MGA: variants seen among roughly 807,000 people sequenced by gnomAD.
MGA encodes the protein MAX gene-associated protein.
Under a neutral mutation model 261.1 loss-of-function variants are expected in MGA, and 40 were observed. The observed-to-expected ratio is 0.15, with a 90% CI of 0.12 to 0.20. The LOEUF (loss-of-function observed/expected upper bound fraction) is 0.20. MGA is among the 10% of genes least tolerant of loss of function. The pLI, the probability that MGA is intolerant of heterozygous loss-of-function variation, is 1.00. For synonymous variants in MGA, 1,302 were observed against 1,290.6 expected, an observed-to-expected ratio of 1.01 and a Z score of -0.19; for missense variants, 3,397 against 3,630.5, an observed-to-expected ratio of 0.94 and a Z score of 1.65.
Position 41,760,399 on chromosome 15 carries a change from A to G in MGA, c.7268A>G (p.Tyr2423Cys), listed in dbSNP as rs369818351. 4.3e-6 allele frequency: 7 copies of G among 1,613,902 alleles called. No homozygotes were observed. Among genetic ancestry groups the G allele is most frequent in the Non-Finnish European group, 5.9e-6 (7 of 1,179,894 alleles). The change falls in exon 20 of 24, where the codon TAT becomes TGT. Residue 2423 changes from tyrosine to cysteine, a missense_variant. This residue lies in a region of MGA where 1,410 missense variants were observed against 1,386.4 expected (regional missense o/e 1.02). Transcript: ENST00000219905. ...CAGAAAGAAGCAGAAGCGTTTGCTT[A>G]TTATCGCCGGACACACACTGCCAAT...
At chr15:41,678,678 A>G (rs886344500) in intron 2 of MGA, among the ~76,000 whole-genome samples, 1 of 151,452 alleles carries the variant, frequency 6.6e-6, no homozygotes, top group Non-Finnish European at 1.5e-5. Flanking sequence ...GAGGCAGGAG[A>G]ATCGCTTGAA....
chr15:41,713,617 T>A (rs912527030), intron 9 of MGA, 121 bp downstream of exon 9: 1 of 1,187,920 alleles, frequency 8.4e-7, no homozygotes, highest in Non-Finnish European at 1.1e-6. Context: ...TTGAGACTTC[T>A]TATTATCCTT....
intron 9 of MGA, among the ~76,000 whole-genome samples, chr15:41,721,711 T>A (rs1389223341): frequency 6.6e-6 from 1 of 152,182 alleles, no homozygotes; most frequent in Non-Finnish European, 1.5e-5. Flanking sequence ...TAATACCAAC[T>A]ATTGATAAAG....
chr15:41,745,185 A>G (rs1409935682), intron 15 of MGA, among the ~76,000 whole-genome samples: 1 of 149,792 alleles, frequency 6.7e-6, no homozygotes, highest in Non-Finnish European at 1.5e-5. Context: ...CTGGCTGTAA[A>G]TGTGTTTTTA....
At chr15:41,654,119 C>A (rs1174802359) in intron 1 of MGA, among the ~76,000 whole-genome samples, 1 of 152,128 alleles carries the variant, frequency 6.6e-6, no homozygotes, top group East Asian at 1.9e-4. Context: ...TGACTCTTGA[C>A]TTCTTGGCAA....
intron 1 of MGA, among the ~76,000 whole-genome samples, chr15:41,640,159 T>G (rs951466356): frequency 6.6e-6 from 1 of 152,136 alleles, no homozygotes; most frequent in African/African-American, 2.4e-5. Context: ...GGTGAATTTA[T>G]GGACTACGAA....
chr15:41,663,490 G>GTT (rs959532433), intron 1 of MGA, among the ~76,000 whole-genome samples: 27 of 151,516 alleles, frequency 1.8e-4, no homozygotes, highest in African/African-American at 5.8e-4. Context: ...TATTATTGTT[G>GTT]TTGTTGTTGT....
chr15:41,640,584 A>G (rs1260364198), intron 1 of MGA, among the ~76,000 whole-genome samples: 1 of 151,862 alleles, frequency 6.6e-6, no homozygotes, highest in Non-Finnish European at 1.5e-5. Context: ...CAATGGTGCG[A>G]TCTCGGCTCT....
At chr15:41,741,346 CAA>C (rs11389766) in intron 14 of MGA, among the ~76,000 whole-genome samples, 2 of 72,338 alleles carry the variant, frequency 2.8e-5, no homozygotes. Flanking sequence ...ACTCCATCTC[CAA>C]AAAAAAAAAA....
At chr15:41,657,690 A>C (rs570329868), upstream of MGA, among the ~76,000 whole-genome samples, 474 of 151,530 alleles carry the variant, frequency 3.1e-3, 1 homozygote, top group Non-Finnish European at 5.5e-3. Context: ...CAAAACAAAA[A>C]AAAAAACAAG....
intron 5 of MGA, among the ~76,000 whole-genome samples, chr15:41,700,223 T>G (rs148340073): frequency 1.3e-5 from 2 of 151,976 alleles, no homozygotes; most frequent in East Asian, 3.9e-4. Context: ...TTTTTTTGTA[T>G]TTTTAGTAGA....
intron 15 of MGA, among the ~76,000 whole-genome samples, chr15:41,745,281 T>TTA (rs1555432883): frequency 0.017 from 551 of 33,212 alleles, 78 homozygotes; most frequent in African/African-American, 0.035. Flanking sequence ...GAATGATCAA[T>TTA]AAAAAAAAAA....
chr15:41,703,368 A>ACCCCCCCC (rs71108121), intron 5 of MGA, among the ~76,000 whole-genome samples: 7 of 93,286 alleles, frequency 7.5e-5, no homozygotes, highest in Admixed American at 1.4e-4. Flanking sequence ...TTGTGAAGTT[A>ACCCCCCCC]CCCCCCCCCC....
rs775286789 is a variant in MGA, at chr15:41,727,288, T to C, written c.3539T>C (p.Ile1180Thr). 3.7e-6 allele frequency: 6 copies of C among 1,613,870 alleles called. No individual in the cohort carries two copies. Among genetic ancestry groups the C allele is most frequent in the African/African-American group, 2.7e-5 (2 of 74,932 alleles). Residue 1180 changes from isoleucine to threonine, a missense_variant, in exon 10 of 24, where the codon ATT becomes ACT. Ile to Thr is a moderately conservative substitution (Grantham distance 89). Coordinates refer to ENST00000219905, the MANE Select transcript of MGA (RefSeq NM_001164273.2). ...GTTTATATCCCCACGCCTTCTGTCA[T>C]TGAGCCTATGAAACCATTGTTATTG...
intron 11 of MGA, among the ~76,000 whole-genome samples, chr15:41,733,834 T>G (rs1364696953): frequency 6.6e-6 from 1 of 152,198 alleles, no homozygotes. Flanking sequence ...TTTCTGATCC[T>G]GGAGTAATTT....
At chr15:41,726,970 A>G (rs1330526323) in intron 9 of MGA, among the ~76,000 whole-genome samples, 1 of 152,186 alleles carries the variant, frequency 6.6e-6, no homozygotes, top group Non-Finnish European at 1.5e-5. Flanking sequence ...TATCTGGTTG[A>G]TAGCTGGTGT....
chr15:41,742,808 T>G lies in MGA; in HGVS notation c.4848T>G (p.Thr1616=). 6.2e-7 allele frequency: 1 copy of G among 1,613,974 alleles called. No individual in the cohort carries two copies. Among genetic ancestry groups the G allele is most frequent in the Non-Finnish European group, 8.5e-7 (1 of 1,179,880 alleles). ...ATACTACTGCTGTGACACCTATGAC[T>G]GCTATTTCTGACGTGGAAACTAAAG... Residue 1616 remains threonine (T), a synonymous_variant, in exon 15 of 24, where the codon ACT becomes ACG. Coordinates refer to ENST00000219905, the MANE Select transcript of MGA (RefSeq NM_001164273.2).
rs896209967 is a variant in MGA, at chr15:41,648,745, G to A, written c.-67-20083G>A. Among the ~76,000 whole-genome samples, 4 of 152,234 alleles carry A rather than the reference G, an allele frequency of 2.6e-5. No individual in the cohort carries two copies. The South Asian group carries it at 8.3e-4, about 32-fold the overall frequency. On this transcript the variant is annotated intron_variant, in intron 1 of 8. Transcript: ENST00000566718. ...GTGTTATGGGGAGAATGATGTGAAC[G>A]CGGAGATCTGTAGGCCATACTAAGG...
In MGA at chr15:41,640,707, C is replaced by T. The variant is rs369746479; in HGVS notation, c.-68+19409C>T. Among the ~76,000 whole-genome samples the T allele has an allele frequency of 2.7e-4, 41 of 152,224 alleles. 1 individual carries two copies. The South Asian group carries it at 6.6e-3, about 25-fold the overall frequency. ...CTAATTTTTGTATTTTTAGTAGAGA[C>T]GGGGTTTTGCCATGTAAGTTAGGCT... On this transcript the variant is annotated intron_variant, in intron 1 of 8. Coordinates refer to the MGA transcript ENST00000566718.
Sources: gnomAD v4.1 joint callset for allele counts (sites outside exome capture counted in the v4.1 genomes callset) on GRCh38, gnomAD v4.1.1 for gene constraint, gnomAD v4.1.1 regional missense constraint, MANE v1.5 for transcripts, NCBI Gene and HGNC (gene_info 2026-07-23, HGNC 2026-07-21) for gene names.